The following CACNA2D3 variants were observed in gnomAD, a reference collection of about 807,000 sequenced individuals.
CACNA2D3 encodes calcium voltage-gated channel auxiliary subunit alpha2delta 3.
In CACNA2D3, 60 loss-of-function variants were observed where a neutral mutation model predicts 160.6. That is an observed-to-expected ratio of 0.37 (90% confidence interval 0.30 to 0.46). CACNA2D3 has a LOEUF of 0.46. CACNA2D3 is among the 20% of genes least tolerant of loss of function. The pLI, the probability that CACNA2D3 is intolerant of heterozygous loss-of-function variation, is 1.00. For synonymous variants in CACNA2D3, 558 were observed against 492.9 expected, an observed-to-expected ratio of 1.13 and a Z score of -1.75; for missense variants, 1,205 against 1,365.0, an observed-to-expected ratio of 0.88 and a Z score of 1.85.
intron 2 of CACNA2D3, among the ~76,000 whole-genome samples, chr3:54,167,800 G>A (rs1700488116): frequency 6.6e-6 from 1 of 152,220 alleles, no homozygotes; most frequent in Non-Finnish European, 1.5e-5. Flanking sequence ...TGTTGTAGGA[G>A]GCTTTAAGTC....
chr3:54,945,017 A>G (rs1327231389), intron 27 of CACNA2D3, among the ~76,000 whole-genome samples: 1 of 152,124 alleles, frequency 6.6e-6, no homozygotes, highest in African/African-American at 2.4e-5. Flanking sequence ...ATCAATGAAA[A>G]CTTAGCCAAA....
At chr3:54,501,531 T>A (rs374897577) in intron 4 of CACNA2D3, among the ~76,000 whole-genome samples, 19 of 151,744 alleles carry the variant, frequency 1.3e-4, no homozygotes, top group East Asian at 5.8e-4. Flanking sequence ...TTCAGCCTCC[T>A]AAGTAGCTGG....
chr3:54,405,315 T>G (rs1699555579), intron 4 of CACNA2D3, among the ~76,000 whole-genome samples: 1 of 146,726 alleles, frequency 6.8e-6, no homozygotes, highest in Non-Finnish European at 1.5e-5. Context: ...CATTTCCTGT[T>G]AAAATTATAT....
intron 4 of CACNA2D3, among the ~76,000 whole-genome samples, chr3:54,464,188 G>C (rs1345690353): frequency 6.6e-6 from 1 of 152,196 alleles, no homozygotes; most frequent in Admixed American, 6.5e-5. Context: ...CCTACTGGGG[G>C]GTGCCTCCTA....
intron 2 of CACNA2D3, among the ~76,000 whole-genome samples, chr3:54,290,930 A>C (rs1703183237): frequency 6.6e-6 from 1 of 152,198 alleles, no homozygotes. Flanking sequence ...GGGGTGAGGG[A>C]TAGCATTAGG....
intron 4 of CACNA2D3, among the ~76,000 whole-genome samples, chr3:54,407,593 A>G (rs1352455702): frequency 2.0e-5 from 3 of 152,120 alleles, no homozygotes; most frequent in African/African-American, 2.4e-5. Flanking sequence ...TGTTACACAC[A>G]CACACATCTG....
chr3:55,005,149 G>A (rs1340882405), intron 32 of CACNA2D3, among the ~76,000 whole-genome samples: 2 of 151,956 alleles, frequency 1.3e-5, no homozygotes, highest in Admixed American at 6.6e-5. Flanking sequence ...GGTGGCGTGT[G>A]CCTATAATCC....
intron 11 of CACNA2D3, among the ~76,000 whole-genome samples, chr3:54,713,295 A>G (rs1018612592): frequency 6.6e-6 from 1 of 152,204 alleles, no homozygotes; most frequent in Non-Finnish European, 1.5e-5. Context: ...CCAAAGCTCA[A>G]GGTCTGAGCT....
chr3:54,402,828 A>C (rs142808085), intron 4 of CACNA2D3, among the ~76,000 whole-genome samples: 1 of 152,230 alleles, frequency 6.6e-6, no homozygotes, highest in East Asian at 1.9e-4. Flanking sequence ...CAGAATATAC[A>C]TTCTTCTCTA....
intron 2 of CACNA2D3, among the ~76,000 whole-genome samples, chr3:54,250,279 G>C (rs1173020078): frequency 2.0e-5 from 3 of 152,148 alleles, no homozygotes; most frequent in Admixed American, 6.5e-5. Flanking sequence ...GTTGATGAGA[G>C]AGTAGATTTT....
At chr3:54,573,804 T>C (rs1702537647) in intron 8 of CACNA2D3, among the ~76,000 whole-genome samples, 1 of 152,252 alleles carries the variant, frequency 6.6e-6, no homozygotes, top group South Asian at 2.1e-4. Context: ...TTGCATTCCC[T>C]TGAATTGTCT....
chr3:54,340,945 G>C (rs976838918), intron 3 of CACNA2D3, among the ~76,000 whole-genome samples: 1 of 152,116 alleles, frequency 6.6e-6, no homozygotes, highest in African/African-American at 2.4e-5. Flanking sequence ...ACCTGATCTC[G>C]TCTGTTTCCA....
intron 4 of CACNA2D3, among the ~76,000 whole-genome samples, chr3:54,484,139 C>T (rs1030946959): frequency 9.9e-5 from 15 of 152,186 alleles, no homozygotes; most frequent in Non-Finnish European, 1.9e-4. Flanking sequence ...CTACGGTACT[C>T]CCAGCATATC....
At chr3:55,033,224 G>T (rs1306563745) in intron 35 of CACNA2D3, among the ~76,000 whole-genome samples, 1 of 152,128 alleles carries the variant, frequency 6.6e-6, no homozygotes, top group African/African-American at 2.4e-5. Flanking sequence ...TCACATCATT[G>T]CTTCTCCATA....
chr3:54,137,571 C>G (rs1346372049), intron 2 of CACNA2D3, among the ~76,000 whole-genome samples: 1 of 152,180 alleles, frequency 6.6e-6, no homozygotes, highest in Admixed American at 6.5e-5. Flanking sequence ...AAGTCAGTGC[C>G]TTTCAAACTT....
At chr3:54,233,394 G>A (rs746946655) in intron 2 of CACNA2D3, among the ~76,000 whole-genome samples, 1 of 152,214 alleles carries the variant, frequency 6.6e-6, no homozygotes, top group Non-Finnish European at 1.5e-5. Flanking sequence ...GCAAGGGTGA[G>A]CACCACACAG....
chr3:54,912,830 A>T, intron 27 of CACNA2D3, among the ~76,000 whole-genome samples: 1 of 152,176 alleles, frequency 6.6e-6, no homozygotes, highest in East Asian at 1.9e-4. Flanking sequence ...AAAGGAGAAC[A>T]TCCTCCTATA....
intron 3 of CACNA2D3, among the ~76,000 whole-genome samples, chr3:54,364,972 T>C (rs1396240321): frequency 6.6e-6 from 1 of 152,226 alleles, no homozygotes; most frequent in Non-Finnish European, 1.5e-5. Context: ...CCATGGTAGA[T>C]TGAAGACAAA....
intron 11 of CACNA2D3, among the ~76,000 whole-genome samples, chr3:54,689,664 C>G (rs1329615995): frequency 6.6e-6 from 1 of 152,020 alleles, no homozygotes; most frequent in East Asian, 1.9e-4. Context: ...TCTCTCTTAA[C>G]CCTCAACAAG....
Sources: gnomAD v4.1 joint callset for allele counts (sites outside exome capture counted in the v4.1 genomes callset) on GRCh38, gnomAD v4.1.1 for gene constraint, MANE v1.5 for transcripts, NCBI Gene and HGNC (gene_info 2026-07-23, HGNC 2026-07-21) for gene names.